The following GRM5 variants were observed in gnomAD, a reference collection of about 807,000 sequenced individuals.
The protein encoded by GRM5 is metabotropic glutamate receptor 5.
A neutral mutation model predicts 83.1 loss-of-function variants in GRM5; 19 were observed. The ratio of observed to expected loss-of-function variants is 0.23; its 90% CI spans 0.16 to 0.34. The LOEUF is 0.34. Ranked by LOEUF, GRM5 falls within the 10% of genes least tolerant of loss-of-function variation. GRM5 has a pLI of 1.00. For missense variants in GRM5, 1,160 were observed against 1,588.3 expected, an observed-to-expected ratio of 0.73 and a Z score of 4.58; for synonymous variants, 675 against 633.6, an observed-to-expected ratio of 1.07 and a Z score of -0.98.
At chr11:88,754,048 T>A (rs115802087) in intron 3 of GRM5, among the ~76,000 whole-genome samples, 4,708 of 152,082 alleles carry the variant, frequency 0.031, 238 homozygotes, top group African/African-American at 0.11. Context: ...AAGATGAGAT[T>A]TGGGTAGAGA....
At chr11:88,574,974 ACTTTT>A (rs1454650093) in intron 7 of GRM5, among the ~76,000 whole-genome samples, 3 of 143,428 alleles carry the variant, frequency 2.1e-5, no homozygotes, top group Non-Finnish European at 3.0e-5. Context: ...GTTAATTGTA[ACTTTT>A]CTTTTCTTTT....
chr11:88,910,374 G>T (rs1945476568), intron 2 of GRM5, among the ~76,000 whole-genome samples: 1 of 151,974 alleles, frequency 6.6e-6, no homozygotes, highest in African/African-American at 2.4e-5. Flanking sequence ...TATGAACATT[G>T]ATATGCAAAT....
At chr11:88,611,630 C>T (rs1241518205) in intron 4 of GRM5, among the ~76,000 whole-genome samples, 1 of 152,034 alleles carries the variant, frequency 6.6e-6, no homozygotes, top group African/African-American at 2.4e-5. Context: ...TAGCTAGCAG[C>T]CTATCAATAT....
At chr11:88,737,216 T>G (rs1298552215) in intron 3 of GRM5, among the ~76,000 whole-genome samples, 1 of 152,040 alleles carries the variant, frequency 6.6e-6, no homozygotes, top group Non-Finnish European at 1.5e-5. Context: ...CAGATTTCAT[T>G]GTGGATGTCT....
intron 2 of GRM5, among the ~76,000 whole-genome samples, chr11:89,012,171 G>A (rs973534000): frequency 2.0e-5 from 3 of 151,782 alleles, no homozygotes; most frequent in Non-Finnish European, 4.4e-5. Flanking sequence ...GCAGAAAATC[G>A]ACAATCAGAG....
At chr11:88,582,424 T>TA (rs140431659) in intron 7 of GRM5, among the ~76,000 whole-genome samples, 5 of 151,966 alleles carry the variant, frequency 3.3e-5, no homozygotes, top group Admixed American at 6.6e-5. Flanking sequence ...AGCACAGTGT[T>TA]AAAAAAAGAG....
At chr11:88,663,322 G>A (rs966368203) in intron 3 of GRM5, among the ~76,000 whole-genome samples, 3 of 152,132 alleles carry the variant, frequency 2.0e-5, no homozygotes, top group African/African-American at 7.2e-5. Context: ...ATGTCTTGTG[G>A]CTCCAGGGAT....
At chr11:88,776,608 G>A (rs1361914041) in intron 3 of GRM5, among the ~76,000 whole-genome samples, 1 of 152,082 alleles carries the variant, frequency 6.6e-6, no homozygotes, top group African/African-American at 2.4e-5. Context: ...AGTGCTTCCT[G>A]CGGGAGCTCT....
intron 3 of GRM5, among the ~76,000 whole-genome samples, chr11:88,784,605 T>C (rs993963008): frequency 6.6e-6 from 1 of 152,088 alleles, no homozygotes; most frequent in Admixed American, 6.6e-5. Context: ...AAGCCTGTGT[T>C]CTTCATCGGT....
intron 2 of GRM5, among the ~76,000 whole-genome samples, chr11:88,934,172 CCTT>C (rs1275871257): frequency 6.6e-6 from 1 of 151,682 alleles, no homozygotes; most frequent in African/African-American, 2.4e-5. Flanking sequence ...TTACTAGAGG[CCTT>C]CTTCTTGATT....
chr11:88,678,543 A>G (rs1353875920), intron 3 of GRM5, among the ~76,000 whole-genome samples: 1 of 151,974 alleles, frequency 6.6e-6, no homozygotes, highest in Non-Finnish European at 1.5e-5. Flanking sequence ...TTATTCTTTC[A>G]TCTCTTCAAC....
intron 3 of GRM5, among the ~76,000 whole-genome samples, chr11:88,794,204 C>A (rs1943232341): frequency 6.6e-6 from 1 of 152,100 alleles, no homozygotes; most frequent in East Asian, 1.9e-4. Context: ...CTTCAGGGGA[C>A]CAGCATCTCT....
At chr11:88,986,331 G>T (rs1939709007) in intron 2 of GRM5, among the ~76,000 whole-genome samples, 1 of 152,092 alleles carries the variant, frequency 6.6e-6, no homozygotes, top group Non-Finnish European at 1.5e-5. Flanking sequence ...GGTTGACAAG[G>T]TTCAGAAAAA....
intron 2 of GRM5, among the ~76,000 whole-genome samples, chr11:88,857,790 G>A (rs1944500715): frequency 6.6e-6 from 1 of 152,038 alleles, no homozygotes; most frequent in South Asian, 2.1e-4. Context: ...GAAGTTAAAT[G>A]ATGCAAGAAA....
intron 4 of GRM5, among the ~76,000 whole-genome samples, chr11:88,628,745 CAAAT>C (rs2135268113): frequency 6.6e-6 from 1 of 152,278 alleles, no homozygotes; most frequent in East Asian, 1.9e-4. Flanking sequence ...ACAACAGACT[CAAAT>C]AACCAGTAGC....
At chr11:88,886,955 G>C (rs1259857566) in intron 2 of GRM5, among the ~76,000 whole-genome samples, 1 of 152,100 alleles carries the variant, frequency 6.6e-6, no homozygotes, top group Non-Finnish European at 1.5e-5. Context: ...CTCTGCCCTT[G>C]GTCTGAAAAG....
chr11:88,720,325 A>G (rs867707830), intron 3 of GRM5, among the ~76,000 whole-genome samples: 5 of 152,072 alleles, frequency 3.3e-5, no homozygotes, highest in African/African-American at 1.2e-4. Flanking sequence ...GTTTATACCT[A>G]TGACTGAGTG....
chr11:88,811,851 A>C (rs1001737088), intron 3 of GRM5, among the ~76,000 whole-genome samples: 1 of 152,056 alleles, frequency 6.6e-6, no homozygotes, highest in Non-Finnish European at 1.5e-5. Context: ...CCATGCGCCA[A>C]CTTACCCAGA....
intron 8 of GRM5, among the ~76,000 whole-genome samples, chr11:88,561,613 C>G (rs1942756939): frequency 6.6e-6 from 1 of 152,098 alleles, no homozygotes; most frequent in African/African-American, 2.4e-5. Context: ...GAAGTGAATG[C>G]CTTAAACGGA....
Sources: gnomAD v4.1 joint callset for allele counts (sites outside exome capture counted in the v4.1 genomes callset) on GRCh38, gnomAD v4.1.1 for gene constraint, MANE v1.5 for transcripts, NCBI Gene and HGNC (gene_info 2026-07-23, HGNC 2026-07-21) for gene names.